Variants in HRH2 observed in about 807,000 individuals in gnomAD.
HRH2 encodes histamine H2 receptor.
A neutral mutation model predicts 20.1 loss-of-function variants in HRH2; 4 were observed. The ratio of observed to expected loss-of-function variants is 0.20; its 90% CI spans 0.10 to 0.45. The LOEUF is 0.45. Among genes scored for constraint, HRH2 ranks in the 20% least tolerant of loss-of-function variants. The probability of loss-of-function intolerance (pLI) is 0.99; values close to 1 mark genes in which losing one functional copy is unlikely to be tolerated. For synonymous variants in HRH2, 197 were observed against 200.7 expected (o/e 0.98, Z 0.16); for missense variants, 250 against 461.6 (o/e 0.54, Z 4.20).
At chr5:175,675,125 G>A (rs560729985) in intron 1 of HRH2, among the ~76,000 whole-genome samples, 8 of 152,298 alleles carry the variant, frequency 5.3e-5, no homozygotes, top group Middle Eastern at 3.4e-3. Flanking sequence ...AAGCCTCAGC[G>A]TCTGTGTTTG....
chr5:175,659,130 C>T (rs1762658680), intron 1 of HRH2, among the ~76,000 whole-genome samples: 1 of 152,064 alleles, frequency 6.6e-6, no homozygotes, highest in African/African-American at 2.4e-5. Flanking sequence ...CAGGGCAGGG[C>T]CTAGGGAATG....
intron 2 of HRH2, among the ~76,000 whole-genome samples, chr5:175,704,586 A>G (rs1581470674): frequency 6.6e-6 from 1 of 152,176 alleles, no homozygotes; most frequent in East Asian, 1.9e-4. Context: ...ATATTACCGG[A>G]GATCAGTCCA....
Position 175,683,709 on chromosome 5 carries a change from A to G in HRH2, c.476A>G (p.Asn159Ser). ...LSFLSIHLGW[N>S]SRNETSKGNH... is the part of the protein sequence containing the mutation. ...TTTCTGTCTATCCACCTGGGGTGGA[A>G]CAGCAGGAACGAGACCAGCAAGGGC... Residue 159 changes from asparagine to serine, a missense_variant, in exon 2 of 3, where the codon AAC (asparagine) becomes AGC (serine). Coordinates refer to ENST00000636584, the MANE Select transcript of HRH2 (RefSeq NM_001367711.1). 1 of 1,614,158 alleles carries G rather than the reference A, an allele frequency of 6.2e-7. No homozygotes were observed. The highest frequency in any genetic ancestry group is 8.5e-7 in the Non-Finnish European group (1 of 1,180,026).
Position 175,686,972 on chromosome 5 carries a change from G to A in HRH2, c.1076+2663G>A, listed in dbSNP as rs1209519080. Among the ~76,000 whole-genome samples, 2 of 152,212 alleles carry A rather than the reference G, an allele frequency of 1.3e-5. No homozygotes were observed. The highest frequency in any genetic ancestry group is 2.9e-5 in the Non-Finnish European group (2 of 68,024). On this transcript the variant is annotated intron_variant, in intron 2 of 2. Transcript: ENST00000636584. This position sits in a 1 kb window ranked among gnomAD's most constrained non-coding sequence, Gnocchi z 4.7. ...GCTCTGATCCTCGTGGGCACCCTGGGTGGGAGGCTGTGAAGAAACCAGGGC... is the reference window on the plus strand; with the variant it reads ...GCTCTGATCCTCGTGGGCACCCTGGATGGGAGGCTGTGAAGAAACCAGGGC...
intron 2 of HRH2, among the ~76,000 whole-genome samples, chr5:175,691,828 C>T (rs549408816): frequency 1.1e-4 from 16 of 150,492 alleles, no homozygotes; most frequent in African/African-American, 3.7e-4. Flanking sequence ...GGTTGCAGTG[C>T]ACTCCAGCCT....
intron 1 of HRH2, among the ~76,000 whole-genome samples, chr5:175,674,381 C>T (rs1308004930): frequency 6.6e-6 from 1 of 152,146 alleles, no homozygotes; most frequent in Non-Finnish European, 1.5e-5. Flanking sequence ...TGTCAGGTGC[C>T]CGGCACGTGG....
intron 2 of HRH2, among the ~76,000 whole-genome samples, chr5:175,694,093 G>A (rs1357038750): frequency 6.6e-6 from 1 of 152,178 alleles, no homozygotes; most frequent in African/African-American, 2.4e-5. Flanking sequence ...CCCAGGGCTG[G>A]GGAAGGACCA....
rs1755947565 is a variant in HRH2 at position 175,681,031 on chromosome 5, A to G, written c.-525-1678A>G. 6.6e-6 allele frequency among the ~76,000 whole-genome samples: 1 copy of G among 152,152 alleles called. No homozygotes were observed. The highest frequency in any genetic ancestry group is 2.4e-5 in the African/African-American group (1 of 41,416). ...TTTGAAGACCCCTCATCCAAACATG[A>G]ACTCAAATGTCAGCCTGATGCCAAA... On this transcript the variant is annotated intron_variant, in intron 1 of 2. Transcript: ENST00000636584. This position sits in a 1 kb window ranked among gnomAD's most constrained non-coding sequence, Gnocchi z 4.3.
intron 2 of HRH2, among the ~76,000 whole-genome samples, chr5:175,694,586 G>A (rs955001537): frequency 3.3e-5 from 5 of 152,166 alleles, no homozygotes; most frequent in Admixed American, 6.5e-5. Context: ...CAGGCTCACC[G>A]TAGGCTCTGC....
At chr5:175,670,404 G>A (rs1189616692) in intron 1 of HRH2, among the ~76,000 whole-genome samples, 1 of 152,160 alleles carries the variant, frequency 6.6e-6, no homozygotes, top group Non-Finnish European at 1.5e-5. Flanking sequence ...ACTGAATTCA[G>A]CCTGTGGCCA....
intron 2 of HRH2, among the ~76,000 whole-genome samples, chr5:175,696,834 T>A (rs558464448): frequency 1.3e-5 from 2 of 151,814 alleles, no homozygotes; most frequent in Non-Finnish European, 2.9e-5. Flanking sequence ...CACCGCCCCA[T>A]GGGGTTGGGG....
At chr5:175,700,029 G>C (rs745488468) in intron 2 of HRH2, among the ~76,000 whole-genome samples, 22 of 152,212 alleles carry the variant, frequency 1.4e-4, no homozygotes. Context: ...AGGGACTGAA[G>C]AATGGAGAGA....
At chr5:175,668,388 C>G (rs1258998094) in intron 1 of HRH2, among the ~76,000 whole-genome samples, 1 of 152,160 alleles carries the variant, frequency 6.6e-6, no homozygotes, top group Non-Finnish European at 1.5e-5. Flanking sequence ...AGAGACCCCC[C>G]CAGCTGTTGC....
In HRH2 at chr5:175,683,112, AC is replaced by A; in HGVS notation, c.-121del. The A allele has an allele frequency of 4.1e-4, 494 of 1,206,700 alleles. No homozygotes were observed. The highest frequency in any genetic ancestry group is 5.1e-4 in the Non-Finnish European group (443 of 875,666). 74.7% of individuals were successfully genotyped at this position (1,206,700 alleles called of 1,614,324 possible). On this transcript the variant is annotated 5_prime_UTR_variant, in exon 2 of 3. In the 5' UTR this introduces an upstream ATG that the reference lacks. Coordinates refer to ENST00000636584, the MANE Select transcript of HRH2 (RefSeq NM_001367711.1). ...TGGCCAAAAAAAAAAAAAAAAAAAA[AC>A]TGGACACATTTTGGATCTGTTGGGA...
chr5:175,661,233 T>TC (rs1581400227), intron 1 of HRH2, among the ~76,000 whole-genome samples: 2 of 152,012 alleles, frequency 1.3e-5, no homozygotes. Flanking sequence ...GGTATGCTCC[T>TC]CCCCCAGGGC....
intron 1 of HRH2, among the ~76,000 whole-genome samples, chr5:175,673,514 G>A (rs1755638542): frequency 6.6e-6 from 1 of 152,068 alleles, no homozygotes; most frequent in African/African-American, 2.4e-5. Flanking sequence ...GGCTGCCAGG[G>A]GCTAGGGAAA....
chr5:175,661,233 TC>T (rs1581400227), intron 1 of HRH2, among the ~76,000 whole-genome samples: 1 of 152,012 alleles, frequency 6.6e-6, no homozygotes, highest in Non-Finnish European at 1.5e-5. Context: ...GGTATGCTCC[TC>T]CCCCAGGGCT....
In HRH2 at chr5:175,682,938, G is replaced by A. The variant is rs1756036911; in HGVS notation, c.-296G>A. 5.4e-6 allele frequency: 2 copies of A among 367,006 alleles called. No homozygotes were observed. The highest frequency in any genetic ancestry group is 9.8e-6 in the Non-Finnish European group (2 of 204,068). The allele number at this position is 367,006 out of a possible 1,614,324, so 22.7% of individuals were successfully genotyped here. A position where few individuals can be genotyped will look rare whatever the true frequency, so the allele number is the denominator to read the frequency against. On this transcript the variant is annotated 5_prime_UTR_variant, in exon 2 of 3. Transcript: ENST00000636584. ...GCTAGCTCTTCAGGGGACCGTCTGA[G>A]GACTGGAGTTTGATCCATGAACCTG...
In HRH2 at chr5:175,683,435, G is replaced by A. The variant is rs1756061023; in HGVS notation, c.202G>A (p.Gly68Ser). The change falls in exon 2 of 3, where the codon GGC becomes AGC. Residue 68 changes from glycine to serine, a missense_variant. This residue lies in a region of HRH2 where 86 missense variants were observed against 176.4 expected (regional missense o/e 0.49). Coordinates refer to ENST00000636584, the MANE Select transcript of HRH2 (RefSeq NM_001367711.1). The stretch of plus-strand genomic sequence containing the variant: ...CTTGGCTATCACTGACCTGCTCCTC[G>A]GCCTCCTGGTGCTGCCCTTCTCTGC... ...VSLAITDLLL[G>S]LLVLPFSAIY... 1 of 1,614,020 alleles carries A rather than the reference G, an allele frequency of 6.2e-7. No individual in the cohort carries two copies. The highest frequency in any genetic ancestry group is 1.7e-5 in the Admixed American group (1 of 59,980).
Sources: gnomAD v4.1 joint callset for allele counts (sites outside exome capture counted in the v4.1 genomes callset) on GRCh38, gnomAD v4.1.1 for gene constraint, gnomAD v4.1.1 regional missense constraint, Gnocchi (gnomAD v3.1) non-coding constraint, MANE v1.5 for transcripts, NCBI Gene and HGNC (gene_info 2026-07-23, HGNC 2026-07-21) for gene names.